FRRS1: variants seen among roughly 807,000 people sequenced by gnomAD.
The protein encoded by FRRS1 is ferric reductase 1.
In FRRS1, 51 loss-of-function variants were observed where a neutral mutation model predicts 70.7. That is an observed-to-expected ratio of 0.72 (90% CI 0.58 to 0.91). The LOEUF (loss-of-function observed/expected upper bound fraction) is 0.91. Ranked by LOEUF, FRRS1 falls within the 40% of genes least tolerant of loss-of-function variation. FRRS1 has a pLI of 0.00. For synonymous variants in FRRS1, 225 were observed against 238.7 expected, an observed-to-expected ratio of 0.94 and a Z score of 0.53; for missense variants, 672 against 726.0, an observed-to-expected ratio of 0.93 and a Z score of 0.86.
Position 99,715,664 on chromosome 1 carries a change from C to A in FRRS1, c.1245G>T (p.Arg415=). ...GGACAGTTGTGGTGAACATGAGCATCCGATGCACCTGCAAGGTAAAATGAC... is the reference window on the plus strand; with the variant it reads ...GGACAGTTGTGGTGAACATGAGCATACGATGCACCTGCAAGGTAAAATGAC... ...LGEAAWFQVH[R]MLMFTTTVLT... Residue 415 remains arginine, a synonymous_variant, in exon 12 of 17, where the codon CGG becomes CGT. Transcript: ENST00000646001. 3 of 1,610,618 alleles carry A rather than the reference C, an allele frequency of 1.9e-6. No individual in the cohort carries two copies. The highest frequency in any genetic ancestry group is 1.7e-6 in the Non-Finnish European group (2 of 1,176,966).
At position 99,707,958 on chromosome 1, in the gene FRRS1, T is replaced by C. The variant is rs987541850; in HGVS notation, c.*1070A>G. On this transcript the variant is annotated 3_prime_UTR_variant, in exon 17 of 17. Coordinates refer to ENST00000646001, the MANE Select transcript of FRRS1 (RefSeq NM_001361041.2). The stretch of plus-strand genomic sequence containing the variant: ...TTATCAATTTTGAAATCCAAGTGTA[T>C]AATCCCCAAATGCTGTAAGGACTTA... 1.1e-4 allele frequency among the ~76,000 whole-genome samples: 17 copies of C among 152,220 alleles called. No homozygotes were observed. Among genetic ancestry groups the C allele is most frequent in the Non-Finnish European group, 2.9e-5 (2 of 68,030 alleles).
In FRRS1 at chr1:99,709,027, C is replaced by T; in HGVS notation, c.*1G>A. The T allele has an allele frequency of 1.2e-6, 2 of 1,613,836 alleles. No individual in the cohort carries two copies. The highest frequency in any genetic ancestry group is 1.7e-6 in the Non-Finnish European group (2 of 1,179,924). On this transcript the variant is annotated 3_prime_UTR_variant, in exon 17 of 17. Transcript: ENST00000646001. Reference sequence around the variant, plus strand: ...CTGCAAAAGCCAAGGTCTTTGCTTGCTCATAGATGGTTGATTGCAGATAAA... The same window carrying T: ...CTGCAAAAGCCAAGGTCTTTGCTTGTTCATAGATGGTTGATTGCAGATAAA...
chr1:99,749,207 T>C (rs1229539811), intron 1 of FRRS1, among the ~76,000 whole-genome samples: 1 of 152,166 alleles, frequency 6.6e-6, no homozygotes, highest in African/African-American at 2.4e-5. Flanking sequence ...GGCTAATTTT[T>C]GTATTTTGGT....
At chr1:99,730,056 A>T (rs1014734648) in intron 7 of FRRS1, among the ~76,000 whole-genome samples, 4 of 152,216 alleles carry the variant, frequency 2.6e-5, no homozygotes, top group Non-Finnish European at 5.9e-5. Context: ...TTTCATGTAT[A>T]TTCATCCAAA....
rs963040085 is a variant in FRRS1, at chr1:99,738,700, T to C, written c.577-432A>G. Among the ~76,000 whole-genome samples the C allele has an allele frequency of 5.3e-5, 8 of 152,308 alleles. No homozygotes were observed. In the South Asian group the frequency reaches 1.7e-3, roughly 32 times the overall value. On this transcript the variant is annotated intron_variant, in intron 6 of 16. Transcript: ENST00000646001. Reference sequence around the variant, plus strand: ...ATCCTCTAGTTCTCAGAGATGAAGATTTAAAAAGCAAACAAATAAATACTT... The same window carrying C: ...ATCCTCTAGTTCTCAGAGATGAAGACTTAAAAAGCAAACAAATAAATACTT...
At position 99,728,548 on chromosome 1, in the gene FRRS1, T is replaced by A. The variant is rs771554517; in HGVS notation, c.951A>T (p.Arg317Ser). 1.2e-6 allele frequency: 2 copies of A among 1,612,526 alleles called. No homozygotes were observed. Among genetic ancestry groups the A allele is most frequent in the Non-Finnish European group, 1.7e-6 (2 of 1,178,574 alleles). Residue 317 changes from arginine (R) to serine (S), a missense_variant, in exon 9 of 17, where the codon AGA becomes AGT. Physicochemically the swap from Arg to Ser is moderately radical, Grantham distance 110. Transcript: ENST00000646001. ...RNITLPGVKN[R>S]FDLNTSYYIF... ...TGTAATAGCTTGTGTTTAGATCAAATCTATTCTTAACTCCAGGAAGGGTAA... is the reference window on the plus strand; with the variant it reads ...TGTAATAGCTTGTGTTTAGATCAAAACTATTCTTAACTCCAGGAAGGGTAA...
chr1:99,741,672 A>T (rs1655970743), intron 5 of FRRS1, among the ~76,000 whole-genome samples: 1 of 152,246 alleles, frequency 6.6e-6, no homozygotes, highest in East Asian at 1.9e-4. Flanking sequence ...AGTAAGAGTC[A>T]TCCAAATTTC....
chr1:99,756,710 CAT>C (rs1459756674), intron 1 of FRRS1, among the ~76,000 whole-genome samples: 2 of 152,170 alleles, frequency 1.3e-5, no homozygotes, highest in Admixed American at 1.3e-4. Flanking sequence ...ACTCTAAGAA[CAT>C]GTGAGAATAA....
In FRRS1 at chr1:99,708,431, C is replaced by T. The variant is rs1350578716; in HGVS notation, c.*597G>A. On this transcript the variant is annotated 3_prime_UTR_variant, in exon 17 of 17. Transcript: ENST00000646001. The stretch of plus-strand genomic sequence containing the variant: ...TGTGAATGGTGAAACCCTGTCTCTA[C>T]TAAAAATATAAAAAAAATTAGCCCG... 2.7e-5 allele frequency among the ~76,000 whole-genome samples: 4 copies of T among 150,626 alleles called. No individual in the cohort carries two copies. The highest frequency in any genetic ancestry group is 5.9e-5 in the Non-Finnish European group (4 of 67,684).
At chr1:99,758,514 TA>T (rs1183563779) in intron 1 of FRRS1, among the ~76,000 whole-genome samples, 15 of 152,368 alleles carry the variant, frequency 9.8e-5, no homozygotes, top group Middle Eastern at 6.8e-3. Flanking sequence ...CTCCTGTCTT[TA>T]ATCTCTTAAT....
chr1:99,712,219 C>T (rs900935078), intron 13 of FRRS1, 56 bp from the exon 14 acceptor site: 2 of 1,202,202 alleles, frequency 1.7e-6, no homozygotes, highest in Non-Finnish European at 2.4e-6. Flanking sequence ...ATAATTAATT[C>T]CCACTAGAAT....
rs915589820 is a variant in FRRS1 at position 99,706,119 on chromosome 1, G to A, written c.*2909C>T. Among the ~76,000 whole-genome samples the A allele has an allele frequency of 1.3e-5, 2 of 151,960 alleles. No individual in the cohort carries two copies. The highest frequency in any genetic ancestry group is 4.8e-5 in the African/African-American group (2 of 41,286). On this transcript the variant is annotated 3_prime_UTR_variant, in exon 17 of 17. Transcript: ENST00000646001. The stretch of plus-strand genomic sequence containing the variant: ...GGTCTATTTGGGGCCAGGTGCAATG[G>A]CTCATGCCTATAATCCCAACACTTT...
intron 11 of FRRS1, 77 bp downstream of exon 11, chr1:99,717,333 A>C (rs1166773294): frequency 1.0e-6 from 1 of 961,940 alleles, no homozygotes; most frequent in East Asian, 2.4e-5. Context: ...ATACACATAC[A>C]CACATACTTC....
At chr1:99,728,191 G>C (rs1474016907) in intron 9 of FRRS1, among the ~76,000 whole-genome samples, 1 of 152,166 alleles carries the variant, frequency 6.6e-6, no homozygotes. Context: ...CTACACTCAG[G>C]GAAGCCCAAA....
In FRRS1 at chr1:99,748,650, C is replaced by T; in HGVS notation, c.119G>A (p.Gly40Asp). ...QSCHGMIPEH[G>D]HSPQSVPVHD... ...AACAGGAACAGACTGTGGACTATGA[C>T]CATGTTCAGGAATCATTCCATGGCA... Residue 40 changes from glycine (G) to aspartate (D), a missense_variant, in exon 3 of 17, where the codon GGT becomes GAT. Transcript: ENST00000646001. 1 of 1,613,938 alleles carries T rather than the reference C, an allele frequency of 6.2e-7. No homozygotes were observed. Among genetic ancestry groups the T allele is most frequent in the South Asian group, 1.1e-5 (1 of 91,078 alleles).
chr1:99,758,077 A>G (rs761149379), intron 1 of FRRS1, among the ~76,000 whole-genome samples: 17 of 152,320 alleles, frequency 1.1e-4, no homozygotes, highest in Non-Finnish European at 1.9e-4. Flanking sequence ...CTTGTCATTC[A>G]GATGTTCCAA....
rs943632940 is a variant in FRRS1 at position 99,707,534 on chromosome 1, A to G, written c.*1494T>C. 3.3e-5 allele frequency among the ~76,000 whole-genome samples: 5 copies of G among 152,210 alleles called. No individual in the cohort carries two copies. The highest frequency in any genetic ancestry group is 4.8e-5 in the African/African-American group (2 of 41,456). On this transcript the variant is annotated 3_prime_UTR_variant, in exon 17 of 17. Transcript: ENST00000646001. ...TATTATAAATAATCACAGAAAACAAATAAACTGGAAAATAAACAGCGGTTA... is the reference window on the plus strand; with the variant it reads ...TATTATAAATAATCACAGAAAACAAGTAAACTGGAAAATAAACAGCGGTTA...
Position 99,748,738 on chromosome 1 carries a change from A to G in FRRS1, c.31T>C (p.Cys11Arg). The G allele has an allele frequency of 6.2e-7, 1 of 1,613,912 alleles. No individual in the cohort carries two copies. Among genetic ancestry groups the G allele is most frequent in the Non-Finnish European group, 8.5e-7 (1 of 1,179,838 alleles). ...TAACTAATGTGCAACAGAAGTATGC[A>G]GGTACCAAGAGTAAATCCAGAAACT... MAVSGFTLGT[C>R]ILLLHISYVA... The change falls in exon 3 of 17, where the codon TGC (cysteine) becomes CGC (arginine). Residue 11 changes from cysteine to arginine, a missense_variant. Transcript: ENST00000646001.
intron 9 of FRRS1, among the ~76,000 whole-genome samples, chr1:99,724,957 T>C (rs1414446366): frequency 6.6e-6 from 1 of 152,080 alleles, no homozygotes; most frequent in Non-Finnish European, 1.5e-5. Flanking sequence ...TGTATTAATA[T>C]CTTATGTACT....
Sources: gnomAD v4.1 joint callset for allele counts (sites outside exome capture counted in the v4.1 genomes callset) on GRCh38, gnomAD v4.1.1 for gene constraint, MANE v1.5 for transcripts, NCBI Gene and HGNC (gene_info 2026-07-23, HGNC 2026-07-21) for gene names.